The following GALNS variants were observed in gnomAD, a reference collection of about 807,000 sequenced individuals.
GALNS encodes the protein N-acetylgalactosamine-6-sulfatase.
A neutral mutation model predicts 65.9 loss-of-function variants in GALNS; 65 were observed. That is an observed-to-expected ratio of 0.99 (90% CI 0.81 to 1.21). The LOEUF (loss-of-function observed/expected upper bound fraction) is 1.21, where lower values mean the gene tolerates loss of function less well. GALNS is among the 50% of genes most tolerant of loss of function. The pLI, the probability that GALNS is intolerant of heterozygous loss-of-function variation, is 0.00. For synonymous variants in GALNS, 346 were observed against 288.9 expected, an observed-to-expected ratio of 1.20 and a Z score of -2.00; for missense variants, 776 against 700.7, an observed-to-expected ratio of 1.11 and a Z score of -1.21.
chr16:88,819,828 G>A (rs1483347174), intron 12 of GALNS, among the ~76,000 whole-genome samples: 1 of 151,978 alleles, frequency 6.6e-6, no homozygotes, highest in Non-Finnish European at 1.5e-5. Flanking sequence ...TGAGTAGCTG[G>A]GAGTACAGGC....
At chr16:88,831,076 A>G (rs930708344) in intron 9 of GALNS, among the ~76,000 whole-genome samples, 4 of 152,152 alleles carry the variant, frequency 2.6e-5, no homozygotes, top group African/African-American at 9.7e-5. Flanking sequence ...CTCACCACAC[A>G]GTCATTACCA....
rs76651187 is a variant in GALNS, at chr16:88,822,675, C to A, written c.1278G>T (p.Gly426=). ...GGTCTTCCAGATTGTGAGTTGTGAC[C>A]CCTGAAACGTTCTGCCCAGGGCAGA... is the stretch of plus-strand genomic sequence containing the variant. ...IDFCPGQNVS[G]VTTHNLEDHT... is the part of the protein sequence containing the mutation. Residue 426 remains glycine (G), a synonymous_variant, in exon 12 of 14, where the codon GGG becomes GGT. Transcript: ENST00000268695. 3,064 of 1,613,036 alleles carry A rather than the reference C, an allele frequency of 1.9e-3. 42 individuals are homozygous for A. In the African/African-American group the frequency reaches 0.035, roughly 19 times the overall value.
chr16:88,824,649 G>C (rs999479178), intron 11 of GALNS, 118 bp downstream of exon 11: 67 of 801,186 alleles, frequency 8.4e-5, no homozygotes, highest in South Asian at 7.6e-4. Flanking sequence ...AGGCTGTGGA[G>C]GGGGTGGAGT....
Position 88,835,210 on chromosome 16 carries a change from C to T in GALNS, c.898+3G>A. The T allele has an allele frequency of 6.3e-7, 1 of 1,578,240 alleles. No homozygotes were observed. The highest frequency in any genetic ancestry group is 8.6e-7 in the Non-Finnish European group (1 of 1,160,548). On this transcript the variant is annotated splice_donor_region_variant and intron_variant, in intron 8 of 13. Transcript: ENST00000268695. ...ACCGTGAGAAGTGACAGCGAGCACT[C>T]ACCTTGTTCGGGGGCGGAAATGAGG...
intron 8 of GALNS, among the ~76,000 whole-genome samples, chr16:88,833,196 C>A (rs1044731377): frequency 6.6e-6 from 1 of 152,114 alleles, no homozygotes; most frequent in Admixed American, 6.5e-5. Flanking sequence ...CGAGCGGCAG[C>A]GTGGGGAAGC....
intron 1 of GALNS, among the ~76,000 whole-genome samples, chr16:88,854,387 G>C (rs1277927559): frequency 2.0e-5 from 3 of 152,244 alleles, no homozygotes; most frequent in Non-Finnish European, 4.4e-5. Flanking sequence ...GCACCTCGGG[G>C]CTCCACTGTG....
At chr16:88,846,509 CTTTTT>C (rs59223444) in intron 1 of GALNS, among the ~76,000 whole-genome samples, 384 of 88,686 alleles carry the variant, frequency 4.3e-3, no homozygotes, top group African/African-American at 0.015. Flanking sequence ...GCGTTTCTGG[CTTTTT>C]TTTTTTTTTT....
chr16:88,846,727 G>C (rs1967263910), intron 1 of GALNS, among the ~76,000 whole-genome samples: 2 of 152,022 alleles, frequency 1.3e-5, no homozygotes, highest in South Asian at 4.1e-4. Context: ...ATTTTTAGTA[G>C]AGACGGGGTT....
intron 1 of GALNS, among the ~76,000 whole-genome samples, chr16:88,846,514 T>C (rs1050570561): frequency 2.5e-4 from 36 of 144,836 alleles, no homozygotes; most frequent in African/African-American, 4.1e-4. Context: ...TCTGGCTTTT[T>C]TTTTTTTTTT....
At chr16:88,832,235 A>T (rs1911584176) in intron 8 of GALNS, 134 bp from the exon 9 acceptor site, 1 of 820,550 alleles carries the variant, frequency 1.2e-6, no homozygotes, top group Non-Finnish European at 2.0e-6. Context: ...GGAGTGCATG[A>T]TCCGAGCCTC....
intron 1 of GALNS, among the ~76,000 whole-genome samples, chr16:88,846,108 T>C (rs1357568167): frequency 1.3e-5 from 2 of 152,252 alleles, no homozygotes; most frequent in Non-Finnish European, 1.5e-5. Context: ...GTTGAGATAC[T>C]GGGAACAGAA....
intron 1 of GALNS, among the ~76,000 whole-genome samples, chr16:88,846,111 G>A (rs1444195621): frequency 1.3e-5 from 2 of 152,222 alleles, no homozygotes; most frequent in Non-Finnish European, 2.9e-5. Flanking sequence ...GAGATACTGG[G>A]AACAGAAATT....
intron 13 of GALNS, chr16:88,817,246 C>T: frequency 2.1e-6 from 2 of 952,608 alleles, no homozygotes; most frequent in South Asian, 4.9e-5. Flanking sequence ...CAGGGCTGGA[C>T]AAGACGACGA....
At chr16:88,819,814 C>T (rs1473286190) in intron 12 of GALNS, among the ~76,000 whole-genome samples, 1 of 150,518 alleles carries the variant, frequency 6.6e-6, no homozygotes, top group Non-Finnish European at 1.5e-5. Context: ...CTGCCTCAGC[C>T]TCCTGAGTAG....
chr16:88,814,311 T>C lies in GALNS; in HGVS notation c.*128A>G. The C allele has an allele frequency of 8.0e-7, 1 of 1,249,024 alleles. No individual in the cohort carries two copies. The highest frequency in any genetic ancestry group is 2.0e-5 in the Admixed American group (1 of 50,520). The allele number at this position is 1,249,024 out of a possible 1,614,324, so 77.4% of individuals were successfully genotyped here. A position where few individuals can be genotyped will look rare whatever the true frequency, so the allele number is the denominator to read the frequency against. Reference sequence around the variant, plus strand: ...GGCAGGTGGAATTGTGCAGTCCCCCTGCGTCTGCAGGTGCTGTCTGTCTGG... The same window carrying C: ...GGCAGGTGGAATTGTGCAGTCCCCCCGCGTCTGCAGGTGCTGTCTGTCTGG... On this transcript the variant is annotated 3_prime_UTR_variant, in exon 14 of 14. Transcript: ENST00000268695.
intron 1 of GALNS, among the ~76,000 whole-genome samples, chr16:88,848,377 TC>T (rs1393930634): frequency 6.6e-6 from 1 of 152,090 alleles, no homozygotes. Flanking sequence ...ACGCCTGTAA[TC>T]CCAGCACTTT....
intron 1 of GALNS, chr16:88,844,904 G>A (rs974755259): frequency 6.6e-6 from 1 of 152,280 alleles, no homozygotes; most frequent in African/African-American, 2.4e-5. Flanking sequence ...AAGCCAGCAT[G>A]CGAGCAGATG....
intron 11 of GALNS, among the ~76,000 whole-genome samples, chr16:88,823,998 C>CCCACG: frequency 6.6e-6 from 1 of 152,336 alleles, no homozygotes; most frequent in East Asian, 1.9e-4. Context: ...CCAGACACTG[C>CCCACG]CCCACGAGCA....
At chr16:88,830,350 T>C (rs1054723243) in intron 9 of GALNS, among the ~76,000 whole-genome samples, 12 of 150,756 alleles carry the variant, frequency 8.0e-5, no homozygotes, top group Non-Finnish European at 1.3e-4. Context: ...CTACTAGGAT[T>C]GGGAAAAGGC....
Sources: gnomAD v4.1 joint callset for allele counts (sites outside exome capture counted in the v4.1 genomes callset) on GRCh38, gnomAD v4.1.1 for gene constraint, MANE v1.5 for transcripts, NCBI Gene and HGNC (gene_info 2026-07-23, HGNC 2026-07-21) for gene names.